Variants in CSGALNACT1 observed in about 807,000 individuals in gnomAD.
CSGALNACT1 encodes chondroitin sulfate N-acetylgalactosaminyltransferase 1, also known as beta4GalNAcT-1.
CSGALNACT1 carries 52 observed loss-of-function variants against 51.0 expected under a neutral mutation model. The observed-to-expected ratio is 1.02, with a 90% CI of 0.82 to 1.29. The LOEUF (loss-of-function observed/expected upper bound fraction) is 1.29, where lower values mean the gene tolerates loss of function less well. Ranked by LOEUF, CSGALNACT1 falls within the 50% of genes most tolerant of loss-of-function variation. The probability of loss-of-function intolerance (pLI) is 0.00; values close to 1 mark genes in which losing one functional copy is unlikely to be tolerated. For missense variants in CSGALNACT1, 935 were observed against 679.2 expected, an observed-to-expected ratio of 1.38 and a Z score of -4.19; for synonymous variants, 341 against 254.4, an observed-to-expected ratio of 1.34 and a Z score of -3.24.
chr8:19,492,291 T>C (rs200503101), intron 4 of CSGALNACT1, among the ~76,000 whole-genome samples: 39 of 152,280 alleles, frequency 2.6e-4, no homozygotes, highest in African/African-American at 8.9e-4. Context: ...AGACATTTGG[T>C]TGAAGCCCTC....
At chr8:19,478,413 CAAAAAAAAAAAAAA>C (rs55767885) in intron 4 of CSGALNACT1, among the ~76,000 whole-genome samples, 4 of 70,828 alleles carry the variant, frequency 5.6e-5, no homozygotes, top group African/African-American at 2.3e-4. Context: ...GACTCCGTCT[CAAAAAAAAAAAAAA>C]AAAAAAAAAA....
At position 19,505,658 on chromosome 8, in the gene CSGALNACT1, G is replaced by A. The variant is rs201056256; in HGVS notation, c.177C>T (p.Ala59=). 6.1e-5 allele frequency: 98 copies of A among 1,614,150 alleles called. No homozygotes were observed. In the East Asian group the frequency reaches 2.0e-3, roughly 33 times the overall value. ...GCTGCTCCTCCCACTCCTGAAGGACGGCCTGGTACCCCTCCTTCCCCGTGG... is the reference window on the plus strand; with the variant it reads ...GCTGCTCCTCCCACTCCTGAAGGACAGCCTGGTACCCCTCCTTCCCCGTGG... The change falls in exon 4 of 10, where the codon GCC becomes GCT. Residue 59 remains alanine, a synonymous_variant. Coordinates refer to ENST00000454498, the Ensembl canonical transcript of CSGALNACT1.
intron 1 of CSGALNACT1, among the ~76,000 whole-genome samples, chr8:19,712,961 G>T (rs890764380): frequency 6.6e-6 from 1 of 152,124 alleles, no homozygotes; most frequent in Admixed American, 6.5e-5. Context: ...AGGAAGCATG[G>T]TTACAATCTT....
intron 3 of CSGALNACT1, among the ~76,000 whole-genome samples, chr8:19,569,084 T>A (rs964034247): frequency 1.3e-5 from 2 of 152,204 alleles, no homozygotes; most frequent in African/African-American, 4.8e-5. Context: ...ATTCTGATAA[T>A]GTAGAAAAGA....
At chr8:19,666,836 A>ATCTCATCACAATATC in intron 1 of CSGALNACT1, among the ~76,000 whole-genome samples, 1 of 31,234 alleles carries the variant, frequency 3.2e-5, no homozygotes. Flanking sequence ...AGAGAGAGAA[A>ATCTCATCACAATATC]GAAAGAAAGA....
chr8:19,513,222 G>C (rs959022893), intron 3 of CSGALNACT1, among the ~76,000 whole-genome samples: 1 of 151,864 alleles, frequency 6.6e-6, no homozygotes, highest in African/African-American at 2.4e-5. Flanking sequence ...TATTAGAGGT[G>C]GGTGGTAGCA....
chr8:19,503,298 T>C (rs899982270), intron 4 of CSGALNACT1, among the ~76,000 whole-genome samples: 5 of 152,202 alleles, frequency 3.3e-5, no homozygotes, highest in African/African-American at 7.2e-5. Context: ...TGAGTAGCTA[T>C]AATGTGTCTC....
intron 3 of CSGALNACT1, among the ~76,000 whole-genome samples, chr8:19,562,383 G>T (rs1409971142): frequency 6.6e-6 from 1 of 151,888 alleles, no homozygotes; most frequent in Non-Finnish European, 1.5e-5. Context: ...ATACCATTCA[G>T]GATATAGGCA....
At chr8:19,618,938 G>A (rs959771544) in intron 1 of CSGALNACT1, among the ~76,000 whole-genome samples, 12 of 152,126 alleles carry the variant, frequency 7.9e-5, no homozygotes, top group Non-Finnish European at 1.2e-4. Flanking sequence ...ATGGAGGGCA[G>A]GTGATAAAAC....
intron 4 of CSGALNACT1, among the ~76,000 whole-genome samples, chr8:19,474,424 T>C (rs2068928287): frequency 6.6e-6 from 1 of 152,168 alleles, no homozygotes; most frequent in Admixed American, 6.5e-5. Context: ...GAGCAGGTAG[T>C]GTTTTAAGTG....
In CSGALNACT1 at chr8:19,483,409, C is replaced by A. The variant is rs111419735; in HGVS notation, c.634+21792G>T. On this transcript the variant is annotated intron_variant, in intron 4 of 9. Coordinates refer to ENST00000454498, the Ensembl canonical transcript of CSGALNACT1. ...ACATGCCCTGACCCCAAACTCAATG[C>A]TCCAGCCAAAATGGATTTTAGCCTT... 9.3e-3 allele frequency among the ~76,000 whole-genome samples: 1,424 copies of A among 152,320 alleles called. 19 individuals are homozygous for A. The highest frequency in any genetic ancestry group is 0.031 in the African/African-American group (1,307 of 41,560).
chr8:19,472,800 GAAGAGT>G (rs1406247555), intron 4 of CSGALNACT1, among the ~76,000 whole-genome samples: 2 of 152,260 alleles, frequency 1.3e-5, no homozygotes, highest in East Asian at 1.9e-4. Context: ...ACTCATCTTT[GAAGAGT>G]AAGATAATAT....
chr8:19,710,944 C>G (rs2062468354), intron 1 of CSGALNACT1, among the ~76,000 whole-genome samples: 1 of 151,950 alleles, frequency 6.6e-6, no homozygotes, highest in Non-Finnish European at 1.5e-5. Flanking sequence ...CTCAAAAGTA[C>G]TGCCTGAAAG....
intron 1 of CSGALNACT1, among the ~76,000 whole-genome samples, chr8:19,697,453 G>A (rs932246227): frequency 2.6e-5 from 4 of 152,164 alleles, no homozygotes; most frequent in African/African-American, 7.2e-5. Context: ...AGAACCACAA[G>A]TCACATTAGC....
At position 19,458,770 on chromosome 8, in the gene CSGALNACT1, C is replaced by T. The variant is rs1000036800; in HGVS notation, c.635-128G>A. 39 of 894,794 alleles carry T rather than the reference C, an allele frequency of 4.4e-5. No homozygotes were observed. The East Asian group carries it at 6.2e-4, about 14-fold the overall frequency. The allele number at this position is 894,794 out of a possible 1,614,324, so 55.4% of individuals were successfully genotyped here. A position where few individuals can be genotyped will look rare whatever the true frequency, so the allele number is the denominator to read the frequency against. On this transcript the variant is annotated intron_variant, in intron 4 of 9. Coordinates refer to ENST00000454498, the Ensembl canonical transcript of CSGALNACT1. ...AGATGAAATCTCTCCAACAATTATT[C>T]GAAAATTCAAAATGCTCCCAATTAA...
At chr8:19,498,372 T>C (rs1462433951) in intron 4 of CSGALNACT1, among the ~76,000 whole-genome samples, 1 of 152,140 alleles carries the variant, frequency 6.6e-6, no homozygotes, top group Non-Finnish European at 1.5e-5. Flanking sequence ...TTAAAAAACT[T>C]CCATCCTTTC....
rs959159212 is a variant in CSGALNACT1, at chr8:19,502,235, T to A, written c.634+2966A>T. Among the ~76,000 whole-genome samples, 15 of 152,318 alleles carry A rather than the reference T, an allele frequency of 9.8e-5. No homozygotes were observed. The East Asian group carries it at 2.9e-3, about 29-fold the overall frequency. On this transcript the variant is annotated intron_variant, in intron 4 of 9. Coordinates refer to ENST00000454498, the Ensembl canonical transcript of CSGALNACT1. ...ATGGCAGAGCATCTCTGAGAGATGGTTGCTTGGCAAAGCTATGGAGAAAAG... is the reference window on the plus strand; with the variant it reads ...ATGGCAGAGCATCTCTGAGAGATGGATGCTTGGCAAAGCTATGGAGAAAAG...
At chr8:19,482,086 G>C (rs1314060336) in intron 4 of CSGALNACT1, among the ~76,000 whole-genome samples, 2 of 152,000 alleles carry the variant, frequency 1.3e-5, no homozygotes, top group Admixed American at 1.3e-4. Context: ...CCCTACTCCT[G>C]AGTATACACA....
intron 3 of CSGALNACT1, among the ~76,000 whole-genome samples, chr8:19,564,645 C>A (rs1216681920): frequency 2.0e-5 from 3 of 152,172 alleles, no homozygotes; most frequent in Non-Finnish European, 4.4e-5. Flanking sequence ...GCACTCACTC[C>A]TTTGTGTCCA....
Sources: allele counts gnomAD v4.1 joint callset (sites outside exome capture counted in the v4.1 genomes callset), GRCh38; gene constraint gnomAD v4.1.1; transcripts MANE v1.5; gene names NCBI Gene and HGNC (gene_info 2026-07-23, HGNC 2026-07-21).